RPTOR: variants seen among roughly 807,000 people sequenced by gnomAD.
RPTOR encodes the protein regulatory associated protein of MTOR complex 1.
RPTOR carries 21 observed loss-of-function variants against 169.9 expected under a neutral mutation model. The ratio of observed to expected loss-of-function variants is 0.12; its 90% CI spans 0.09 to 0.18. The LOEUF (loss-of-function observed/expected upper bound fraction) is 0.18. RPTOR is among the 10% of genes least tolerant of loss of function. RPTOR has a pLI of 1.00. For synonymous variants in RPTOR, 732 were observed against 753.2 expected (o/e 0.97, Z 0.46); for missense variants, 1,133 against 1,855.9 (o/e 0.61, Z 7.16).
chr17:80,935,256 A>G (rs1222261355), intron 24 of RPTOR, among the ~76,000 whole-genome samples: 2 of 152,244 alleles, frequency 1.3e-5, no homozygotes, highest in Non-Finnish European at 2.9e-5. Context: ...AGAAGACTCA[A>G]TAATATTAAG....
intron 7 of RPTOR, among the ~76,000 whole-genome samples, chr17:80,792,805 G>T (rs753234341): frequency 6.6e-6 from 1 of 152,028 alleles, no homozygotes; most frequent in Non-Finnish European, 1.5e-5. Flanking sequence ...ATTGCTGTGC[G>T]CTTTCTTTGG....
chr17:80,710,567 T>TTGTGTGTGTGTGTG lies in RPTOR; in HGVS notation c.507+2571_507+2572insGTGTGTGTGTGTGT, dbSNP rs1249250528. Among the ~76,000 whole-genome samples the TTGTGTGTGTGTGTG allele has an allele frequency of 2.3e-4, 25 of 110,536 alleles. 1 individual carries two copies. Among genetic ancestry groups the TTGTGTGTGTGTGTG allele is most frequent in the Admixed American group, 6.1e-4 (6 of 9,780 alleles). The allele number at this position is 110,536 out of a possible 152,430, so 72.5% of individuals were successfully genotyped here. The stretch of plus-strand genomic sequence containing the variant: ...ATGTTGATTTGCCTCCCTTGGTTAT[T>TTGTGTGTGTGTGTG]TGTATGTGTGTGTGTGTGTGTGTGT... On this transcript the variant is annotated intron_variant, in intron 4 of 33. Coordinates refer to ENST00000306801, the MANE Select transcript of RPTOR (RefSeq NM_020761.3).
chr17:80,851,515 A>T (rs937699492), intron 11 of RPTOR, among the ~76,000 whole-genome samples: 1 of 151,990 alleles, frequency 6.6e-6, no homozygotes, highest in African/African-American at 2.4e-5. Flanking sequence ...AAAAAACAGT[A>T]CTTAACCTTT....
chr17:80,921,486 C>T (rs867392213), intron 21 of RPTOR, among the ~76,000 whole-genome samples: 4 of 152,248 alleles, frequency 2.6e-5, no homozygotes, highest in Non-Finnish European at 4.4e-5. Context: ...GAGGTCATGT[C>T]GGTGGCCGGG....
chr17:80,685,449 CA>C (rs1392946032), intron 3 of RPTOR, among the ~76,000 whole-genome samples: 16 of 136,574 alleles, frequency 1.2e-4, no homozygotes, highest in East Asian at 2.0e-4. Context: ...CTAATTAAAA[CA>C]TTTTTTTTTT....
intron 2 of RPTOR, among the ~76,000 whole-genome samples, chr17:80,637,601 C>T (rs893859138): frequency 3.3e-5 from 5 of 152,242 alleles, no homozygotes; most frequent in African/African-American, 9.6e-5. Flanking sequence ...AAGAGCTGCG[C>T]GTGCCCCACT....
chr17:80,661,305 G>C (rs1311404592), intron 3 of RPTOR, among the ~76,000 whole-genome samples: 1 of 152,180 alleles, frequency 6.6e-6, no homozygotes, highest in East Asian at 1.9e-4. Context: ...GCACAAGGCG[G>C]GTGGCTGTGA....
chr17:80,948,464 A>G (rs2069130340), intron 27 of RPTOR: 1 of 152,600 alleles, frequency 6.6e-6, no homozygotes, highest in African/African-American at 2.4e-5. Context: ...AGGCTCAGCC[A>G]GCGGTTTCGG....
chr17:80,699,464 G>A (rs879307106), intron 3 of RPTOR, among the ~76,000 whole-genome samples: 14 of 131,842 alleles, frequency 1.1e-4, no homozygotes, highest in Non-Finnish European at 1.3e-4. Context: ...TGCTATGCAC[G>A]GTACCCTGGT....
At chr17:80,771,564 G>T (rs979224772) in intron 6 of RPTOR, among the ~76,000 whole-genome samples, 8 of 152,166 alleles carry the variant, frequency 5.3e-5, no homozygotes, top group African/African-American at 1.9e-4. Context: ...AACCTAGAAC[G>T]CCCCCTCTCC....
chr17:80,883,837 G>T lies in RPTOR; in HGVS notation c.1707G>T (p.Pro569=). ...IAICLEQLND[P]HPLLRQWVAI... ...TCTGCCTGGAGCAGCTCAACGACCC[G>T]CACCCCTTGCTGCGCCAGTGGGTGG... The change falls in exon 16 of 34, where the codon CCG becomes CCT. Residue 569 remains proline, a synonymous_variant. Transcript: ENST00000306801. The T allele has an allele frequency of 1.2e-6, 2 of 1,613,612 alleles. No individual in the cohort carries two copies. Among genetic ancestry groups the T allele is most frequent in the Non-Finnish European group, 1.7e-6 (2 of 1,180,028 alleles).
At chr17:80,610,492 G>C (rs897755519) in intron 1 of RPTOR, among the ~76,000 whole-genome samples, 1 of 152,158 alleles carries the variant, frequency 6.6e-6, no homozygotes, top group Non-Finnish European at 1.5e-5. Flanking sequence ...GCAGGTAATG[G>C]TGCAGGGGGC....
intron 1 of RPTOR, among the ~76,000 whole-genome samples, chr17:80,550,574 A>G (rs529854677): frequency 2.6e-5 from 4 of 152,160 alleles, no homozygotes; most frequent in Non-Finnish European, 5.9e-5. Context: ...TCAGATGCCT[A>G]CTGCCTGCTT....
chr17:80,710,577 G>A (rs1252214349), intron 4 of RPTOR, among the ~76,000 whole-genome samples: 7 of 55,566 alleles, frequency 1.3e-4, no homozygotes, highest in African/African-American at 2.8e-4. Context: ...TTGTATGTGT[G>A]TGTGTGTGTG....
chr17:80,954,377 C>G (rs1265724915), intron 28 of RPTOR, among the ~76,000 whole-genome samples: 1 of 151,944 alleles, frequency 6.6e-6, no homozygotes, highest in African/African-American at 2.4e-5. Context: ...CCGCCTCAGC[C>G]TCCCAAAGTG....
chr17:80,767,673 A>G (rs2066801399), intron 6 of RPTOR, among the ~76,000 whole-genome samples: 1 of 152,346 alleles, frequency 6.6e-6, no homozygotes, highest in African/African-American at 2.4e-5. Flanking sequence ...ATGTTTAAAT[A>G]TCTGCTGACC....
intron 3 of RPTOR, among the ~76,000 whole-genome samples, chr17:80,648,790 C>T (rs551455013): frequency 6.6e-6 from 1 of 152,242 alleles, no homozygotes; most frequent in African/African-American, 2.4e-5. Flanking sequence ...TGAATTGTCA[C>T]TCCCACAATT....
intron 9 of RPTOR, among the ~76,000 whole-genome samples, chr17:80,835,493 G>A (rs908232): frequency 0.47 from 71,717 of 152,088 alleles, 19,936 homozygotes; most frequent in Non-Finnish European, 0.61. Flanking sequence ...GAAAGGGAGA[G>A]TAGGGCTGAA....
At chr17:80,713,090 T>C (rs9904867) in intron 4 of RPTOR, among the ~76,000 whole-genome samples, 40,494 of 152,004 alleles carry the variant, frequency 0.27, 7,469 homozygotes, top group African/African-American at 0.53. Flanking sequence ...TGTTTTGAGA[T>C]GGGGTTTCGC....
Sources: allele counts gnomAD v4.1 joint callset (sites outside exome capture counted in the v4.1 genomes callset), GRCh38; gene constraint gnomAD v4.1.1; transcripts MANE v1.5; gene names NCBI Gene and HGNC (gene_info 2026-07-23, HGNC 2026-07-21).